LINGO3: variants seen among roughly 807,000 people sequenced by gnomAD.
The protein encoded by LINGO3 is leucine-rich repeat and immunoglobulin-like domain-containing nogo receptor-interacting protein 3.
For missense variants in LINGO3, 750 were observed against 867.7 expected, an observed-to-expected ratio of 0.86 and a Z score of 1.70; for synonymous variants, 427 against 444.2, an observed-to-expected ratio of 0.96 and a Z score of 0.49.
chr19:2,288,487 C>G (rs532740010), downstream of LINGO3, among the ~76,000 whole-genome samples: 1 of 152,352 alleles, frequency 6.6e-6, no homozygotes, highest in South Asian at 2.1e-4. The surrounding 1 kb of genome is among the most constrained non-coding windows in gnomAD (Gnocchi z 6.5). Flanking sequence ...AAAGTCCCTC[C>G]AGTAGACCCA....
At chr19:2,307,686 G>C in the LINGO3 span, among the ~76,000 whole-genome samples, 1 of 152,226 alleles carries the variant, frequency 6.6e-6, no homozygotes, top group South Asian at 2.1e-4. Flanking sequence ...GGGGGAGACA[G>C]GGCAGGAAGG....
chr19:2,304,118 C>G, the LINGO3 span, among the ~76,000 whole-genome samples: 2 of 152,208 alleles, frequency 1.3e-5, no homozygotes, highest in Non-Finnish European at 2.9e-5. Flanking sequence ...GTGTTCACCT[C>G]ATTCATTCAT....
chr19:2,303,658 G>C, the LINGO3 span, among the ~76,000 whole-genome samples: 1 of 152,222 alleles, frequency 6.6e-6, no homozygotes, highest in Non-Finnish European at 1.5e-5. Flanking sequence ...GGCGCGTCCA[G>C]CTCTGCGTGG....
chr19:2,291,851 T>C, exon 1 of LINGO3: 1 of 1,232,214 alleles, frequency 8.1e-7, no homozygotes, highest in Non-Finnish European at 1.1e-6. Flanking sequence ...CGGGCAGCGT[T>C]AGCACCGTTA....
At chr19:2,295,761 T>A (rs993461256), upstream of LINGO3, among the ~76,000 whole-genome samples, 4 of 151,674 alleles carry the variant, frequency 2.6e-5, no homozygotes, top group African/African-American at 9.7e-5. Context: ...ATAAATAAGG[T>A]GAAACGCCAA....
chr19:2,295,856 G>A (rs1490516477), upstream of LINGO3, among the ~76,000 whole-genome samples: 1 of 152,212 alleles, frequency 6.6e-6, no homozygotes, highest in Non-Finnish European at 1.5e-5. Flanking sequence ...ACAGCACAGA[G>A]TGTGGTGGAA....
the LINGO3 span, among the ~76,000 whole-genome samples, chr19:2,304,512 C>T: frequency 1.3e-5 from 2 of 151,996 alleles, no homozygotes; most frequent in African/African-American, 4.8e-5. Context: ...ATCCAGAGGC[C>T]CAACATCTCA....
In LINGO3 at chr19:2,290,464, G is replaced by A; in HGVS notation, c.1313C>T (p.Thr438Ile). 2 of 1,456,264 alleles carry A rather than the reference G, an allele frequency of 1.4e-6. No homozygotes were observed. Among genetic ancestry groups the A allele is most frequent in the Non-Finnish European group, 1.8e-6 (2 of 1,110,908 alleles). 90.2% of individuals were successfully genotyped at this position (1,456,264 alleles called of 1,614,324 possible). Residue 438 changes from threonine (T) to isoleucine (I), a missense_variant, in exon 1 of 1, where the codon ACC becomes ATC. Physicochemically the swap from Thr to Ile is moderately conservative, Grantham distance 89. Transcript: ENST00000585527. The surrounding 1 kb of genome is among the most constrained non-coding windows in gnomAD (Gnocchi z 6.0). Reference sequence around the variant, plus strand: ...GTGCTGGGGGGTCACCCAGGCCACGGTGGGCGCCGGCTCGCCCTCGGCGCG... The same window carrying A: ...GTGCTGGGGGGTCACCCAGGCCACGATGGGCGCCGGCTCGCCCTCGGCGCG...
exon 1 of LINGO3, chr19:2,291,298 T>C (rs1274270694): frequency 6.2e-7 from 1 of 1,612,734 alleles, no homozygotes; most frequent in Non-Finnish European, 8.5e-7. Context: ...TACCAGGTCG[T>C]TGTCGCCCAC....
chr19:2,302,495 G>A, the LINGO3 span, among the ~76,000 whole-genome samples: 1 of 152,320 alleles, frequency 6.6e-6, no homozygotes, highest in East Asian at 1.9e-4. Context: ...TCGGCTCTGC[G>A]CCCCGCCGTC....
At chr19:2,305,867 C>A in the LINGO3 span, among the ~76,000 whole-genome samples, 1 of 152,220 alleles carries the variant, frequency 6.6e-6, no homozygotes, top group Non-Finnish European at 1.5e-5. Flanking sequence ...CCAAGGTCTG[C>A]TTTTGGGGAC....
the LINGO3 span, among the ~76,000 whole-genome samples, chr19:2,305,727 A>G: frequency 1.3e-5 from 2 of 152,186 alleles, no homozygotes; most frequent in East Asian, 3.9e-4. Flanking sequence ...AGTGACCTCC[A>G]TCTCCCTCCC....
At chr19:2,303,833 G>C in the LINGO3 span, among the ~76,000 whole-genome samples, 2 of 152,230 alleles carry the variant, frequency 1.3e-5, no homozygotes, top group Non-Finnish European at 2.9e-5. Context: ...CTGGACACCA[G>C]GTGCTGAATC....
chr19:2,292,190 TAA>T (rs35830745), upstream of LINGO3, among the ~76,000 whole-genome samples: 5 of 140,856 alleles, frequency 3.5e-5, no homozygotes, highest in Admixed American at 1.4e-4. Flanking sequence ...CCCTGTCTCT[TAA>T]AAAAAAAAAA....
the LINGO3 span, among the ~76,000 whole-genome samples, chr19:2,304,459 G>A: frequency 2.0e-5 from 3 of 152,186 alleles, no homozygotes; most frequent in African/African-American, 4.8e-5. Flanking sequence ...CTCTGCAGAT[G>A]GGATTAAGTA....
the LINGO3 span, among the ~76,000 whole-genome samples, chr19:2,305,723 C>T: frequency 6.6e-6 from 1 of 152,180 alleles, no homozygotes; most frequent in African/African-American, 2.4e-5. Flanking sequence ...CCACAGTGAC[C>T]TCCATCTCCC....
chr19:2,302,536 G>A, the LINGO3 span, among the ~76,000 whole-genome samples: 5 of 152,332 alleles, frequency 3.3e-5, 1 homozygote, highest in East Asian at 3.9e-4. Flanking sequence ...TGGGGTTGGC[G>A]ACCGAGAACC....
chr19:2,290,419 C>G lies in LINGO3; in HGVS notation c.1358G>C (p.Ser453Thr). ...GGGGAGCACGCGCGCCCGGCCCGCG[C>G]TGGTGGCCGTCACCGGCCGGTGCTG... The change falls in exon 1 of 1, where the codon AGC becomes ACC. Residue 453 changes from serine (S) to threonine (T), a missense_variant. Transcript: ENST00000585527. The surrounding 1 kb of genome is among the most constrained non-coding windows in gnomAD (Gnocchi z 6.0). The G allele has an allele frequency of 7.0e-7, 1 of 1,418,898 alleles. No individual in the cohort carries two copies. The highest frequency in any genetic ancestry group is 1.5e-5 in the South Asian group (1 of 66,838). The allele number at this position is 1,418,898 out of a possible 1,614,324, so 87.9% of individuals were successfully genotyped here. A position where few individuals can be genotyped will look rare whatever the true frequency, so the allele number is the denominator to read the frequency against.
At chr19:2,301,785 G>A in the LINGO3 span, among the ~76,000 whole-genome samples, 46 of 151,762 alleles carry the variant, frequency 3.0e-4, 1 homozygote, top group East Asian at 8.9e-3. Context: ...AAAATTAGCC[G>A]GGCATGGTGG....
Sources: gnomAD v4.1 joint callset for allele counts (sites outside exome capture counted in the v4.1 genomes callset) on GRCh38, gnomAD v4.1.1 for gene constraint, Gnocchi (gnomAD v3.1) non-coding constraint, MANE v1.5 for transcripts, NCBI Gene and HGNC (gene_info 2026-07-23, HGNC 2026-07-21) for gene names.